The following PSD3 variants were observed in gnomAD, a reference collection of about 807,000 sequenced individuals.
PSD3 encodes PH and SEC7 domain-containing protein 3.
PSD3 carries 49 observed loss-of-function variants against 105.5 expected under a neutral mutation model. The observed-to-expected ratio is 0.46, with a 90% CI of 0.37 to 0.59. The LOEUF (loss-of-function observed/expected upper bound fraction) is 0.59, where lower values mean the gene tolerates loss of function less well. Among genes scored for constraint, PSD3 ranks in the 20% least tolerant of loss-of-function variants. The pLI is 0.00. For missense variants in PSD3, 1,561 were observed against 1,263.8 expected (o/e 1.24, Z -3.57); for synonymous variants, 557 against 457.8 (o/e 1.22, Z -2.77).
intron 9 of PSD3, among the ~76,000 whole-genome samples, chr8:18,750,326 G>A (rs1424865501): frequency 6.6e-6 from 1 of 152,058 alleles, no homozygotes; most frequent in African/African-American, 2.4e-5. Context: ...TCCTTCTGGT[G>A]GGTTCGTGGT....
intron 1 of PSD3, among the ~76,000 whole-genome samples, chr8:19,019,651 T>G (rs1391201144): frequency 6.6e-6 from 1 of 152,102 alleles, no homozygotes; most frequent in Non-Finnish European, 1.5e-5. Context: ...ACAAAAAAAT[T>G]TTTCAATTAA....
chr8:18,613,139 G>C (rs530012227), intron 11 of PSD3, among the ~76,000 whole-genome samples: 1 of 152,042 alleles, frequency 6.6e-6, no homozygotes, highest in Non-Finnish European at 1.5e-5. Flanking sequence ...ACCAGTGATA[G>C]AGACAGGAGG....
chr8:19,027,287 GGT>G (rs907329724), intron 1 of PSD3, among the ~76,000 whole-genome samples: 6 of 152,170 alleles, frequency 3.9e-5, no homozygotes, highest in African/African-American at 1.4e-4. Flanking sequence ...ACCTGCAAGA[GGT>G]AACACATTTC....
At chr8:18,947,325 C>T (rs1041852391) in intron 1 of PSD3, among the ~76,000 whole-genome samples, 7 of 152,332 alleles carry the variant, frequency 4.6e-5, no homozygotes, top group Non-Finnish European at 1.0e-4. Flanking sequence ...AGCCTCGGTC[C>T]TCACCCAGTC....
chr8:18,690,464 C>A (rs1053825535), intron 9 of PSD3, among the ~76,000 whole-genome samples: 3 of 152,196 alleles, frequency 2.0e-5, no homozygotes, highest in African/African-American at 7.2e-5. Context: ...CCAGGCCTTT[C>A]CAGCTAATAC....
At chr8:19,030,287 G>A (rs1304526) in intron 1 of PSD3, among the ~76,000 whole-genome samples, 57,011 of 151,960 alleles carry the variant, frequency 0.38, 11,064 homozygotes, top group Admixed American at 0.44. Flanking sequence ...GTTTTCAAAT[G>A]TTAAACCAAA....
chr8:18,556,938 T>A (rs915853928), intron 14 of PSD3, among the ~76,000 whole-genome samples: 6 of 152,224 alleles, frequency 3.9e-5, no homozygotes, highest in African/African-American at 1.4e-4. Flanking sequence ...TTCAACTTGA[T>A]TGGCCCAAAG....
chr8:18,615,380 G>A lies in PSD3; in HGVS notation c.2411-14946C>T, dbSNP rs575973066. On this transcript the variant is annotated intron_variant, in intron 11 of 15. Transcript: ENST00000327040. ...CCCTAGCCAATAAGGGAATGACACA[G>A]CAGCAAGGGCCACGGGCATCAGGGA... Among the ~76,000 whole-genome samples the A allele has an allele frequency of 2.0e-5, 3 of 152,320 alleles. No individual in the cohort carries two copies. The South Asian group carries it at 6.2e-4, about 32-fold the overall frequency.
At chr8:19,000,191 G>A (rs1365383619) in intron 1 of PSD3, 1 of 151,556 alleles carries the variant, frequency 6.6e-6, no homozygotes, top group Admixed American at 6.6e-5. Flanking sequence ...AGTGGTTTGA[G>A]ACCAGCCTGG....
chr8:18,920,506 G>C (rs1016350780), intron 2 of PSD3, among the ~76,000 whole-genome samples: 4 of 152,166 alleles, frequency 2.6e-5, no homozygotes, highest in Non-Finnish European at 5.9e-5. Context: ...GTGATACTTT[G>C]AAATAGTAAA....
In PSD3 at chr8:18,795,654, C is replaced by T. The variant is rs190592580; in HGVS notation, c.2082+3641G>A. ...AATTCTATACTTAACCCTCCTACCA[C>T]CTTAGAACACCAGCCCTGGGTGATA... On this transcript the variant is annotated intron_variant, in intron 8 of 15. Transcript: ENST00000327040. Among the ~76,000 whole-genome samples, 37 of 152,276 alleles carry T rather than the reference C, an allele frequency of 2.4e-4. 1 individual carries two copies. In the East Asian group the frequency reaches 5.8e-3, roughly 24 times the overall value.
At chr8:18,752,596 T>C (rs1805667119) in intron 9 of PSD3, among the ~76,000 whole-genome samples, 2 of 83,248 alleles carry the variant, frequency 2.4e-5, no homozygotes, top group Non-Finnish European at 4.0e-5. Context: ...TTATATATTA[T>C]ATATTATATA....
chr8:18,617,545 C>G (rs1267578422), intron 11 of PSD3, among the ~76,000 whole-genome samples: 9 of 152,092 alleles, frequency 5.9e-5, no homozygotes, highest in Non-Finnish European at 2.9e-5. Flanking sequence ...AACAAACAAA[C>G]AAAACTCTTA....
intron 2 of PSD3, among the ~76,000 whole-genome samples, chr8:18,873,458 A>G (rs1257184420): frequency 1.4e-5 from 2 of 147,146 alleles, no homozygotes; most frequent in African/African-American, 5.1e-5. Context: ...TTACATATAT[A>G]AAGTTTATAT....
intron 9 of PSD3, among the ~76,000 whole-genome samples, chr8:18,719,650 G>T (rs1442885096): frequency 6.6e-6 from 1 of 152,088 alleles, no homozygotes; most frequent in Non-Finnish European, 1.5e-5. Context: ...ACATTTGCAG[G>T]TCAAGGAACC....
intron 9 of PSD3, among the ~76,000 whole-genome samples, chr8:18,725,578 A>T (rs969055353): frequency 6.6e-6 from 1 of 152,216 alleles, no homozygotes. Flanking sequence ...AGAGACGGGG[A>T]CATCTAAAAT....
At chr8:18,962,530 T>G (rs1204164894) in intron 1 of PSD3, among the ~76,000 whole-genome samples, 1 of 152,176 alleles carries the variant, frequency 6.6e-6, no homozygotes, top group South Asian at 2.1e-4. Context: ...ATATTGCTAA[T>G]GCAGCTCCAG....
chr8:18,808,990 C>A, intron 4 of PSD3: 1 of 1,325,824 alleles, frequency 7.5e-7, no homozygotes, highest in Non-Finnish European at 9.9e-7. Context: ...CTAATAAAAA[C>A]AGCAGCCAGA....
Position 18,867,866 on chromosome 8 carries a change from A to T in PSD3, c.1442T>A (p.Met481Lys). The part of the protein sequence containing the change: ...YFSFEMPLTP[M>K]IQQRIKEGGQ... ...ACCTTCTTTAATGCGCTGTTGTATC[A>T]TTGGAGTGAGGGGCATTTCAAAGCT... The change falls in exon 4 of 16, where the codon ATG becomes AAG. Residue 481 changes from methionine (M) to lysine (K), a missense_variant. Coordinates refer to ENST00000327040, the MANE Select transcript of PSD3 (RefSeq NM_015310.4). The T allele has an allele frequency of 6.2e-7, 1 of 1,614,136 alleles. No homozygotes were observed. Among genetic ancestry groups the T allele is most frequent in the Non-Finnish European group, 8.5e-7 (1 of 1,180,006 alleles).
Sources: allele counts gnomAD v4.1 joint callset (sites outside exome capture counted in the v4.1 genomes callset), GRCh38; gene constraint gnomAD v4.1.1; transcripts MANE v1.5; gene names NCBI Gene and HGNC (gene_info 2026-07-23, HGNC 2026-07-21).